Variants in EIF4G1 observed in about 807,000 individuals in gnomAD.
EIF4G1 encodes the protein EIF4-gamma.
EIF4G1 carries 4 observed loss-of-function variants against 187.8 expected under a neutral mutation model. That is an observed-to-expected ratio of 0.02 (90% CI 0.01 to 0.05). The LOEUF is 0.05. EIF4G1 is among the 10% of genes least tolerant of loss of function. The pLI, the probability that EIF4G1 is intolerant of heterozygous loss-of-function variation, is 1.00. For missense variants in EIF4G1, 1,647 were observed against 2,081.1 expected (o/e 0.79, Z 4.06); for synonymous variants, 844 against 781.4 (o/e 1.08, Z -1.34).
intron 8 of EIF4G1, 89 bp downstream of exon 8, chr3:184,320,811 G>A (rs895128986): frequency 1.2e-6 from 2 of 1,607,878 alleles, no homozygotes; most frequent in Admixed American, 1.7e-5. Context: ...TTCAACTAAG[G>A]GATTTATTTC....
rs563494624 is a variant in EIF4G1, at chr3:184,335,229, C to T, written c.*321C>T. On this transcript the variant is annotated 3_prime_UTR_variant, in exon 33 of 33. Coordinates refer to ENST00000346169, the MANE Select transcript of EIF4G1 (RefSeq NM_198241.3). ...CCTTTTTTTTATTTTCTGAAAATCA[C>T]TCTCGGGACTGCCGTCCTCGCTGCT... The T allele has an allele frequency of 1.1e-4, 39 of 346,354 alleles. No homozygotes were observed. The highest frequency in any genetic ancestry group is 9.0e-4 in the Middle Eastern group (1 of 1,112). 21.5% of individuals were successfully genotyped at this position (346,354 alleles called of 1,614,324 possible).
chr3:184,317,526 C>T, intron 5 of EIF4G1, 29 bp downstream of exon 5: 3 of 1,613,302 alleles, frequency 1.9e-6, no homozygotes, highest in Non-Finnish European at 2.5e-6. Context: ...AGCCTAGAAG[C>T]CACAGACCCC....
At chr3:184,326,331 G>A (rs1445105767) in intron 21 of EIF4G1, among the ~76,000 whole-genome samples, 196 bp from the exon 22 acceptor site, 4 of 152,204 alleles carry the variant, frequency 2.6e-5, no homozygotes, top group African/African-American at 9.7e-5. Context: ...GTCACAGCAT[G>A]CCTTTATCAT....
At chr3:184,319,455 G>GTGTGTGTGTGTT (rs55650152) in intron 6 of EIF4G1, among the ~76,000 whole-genome samples, 1 of 69,968 alleles carries the variant, frequency 1.4e-5, no homozygotes, top group Non-Finnish European at 2.8e-5. Context: ...GTGTGTGTGT[G>GTGTGTGTGTGTT]TGTGTGTGTG....
intron 28 of EIF4G1, among the ~76,000 whole-genome samples, chr3:184,330,143 G>A (rs532704759): frequency 6.6e-6 from 1 of 152,154 alleles, no homozygotes; most frequent in Non-Finnish European, 1.5e-5. Flanking sequence ...TTGGGAGGCA[G>A]AGGTGGGTGG....
chr3:184,332,142 G>C, intron 32 of EIF4G1, 56 bp downstream of exon 32: 2 of 1,612,686 alleles, frequency 1.2e-6, no homozygotes, highest in Non-Finnish European at 1.7e-6. Context: ...AGATAGCAGG[G>C]CATGAGACCC....
Position 184,322,625 on chromosome 3 carries a change from C to G in EIF4G1, c.1690C>G (p.Pro564Ala), listed in dbSNP as rs762917023. The G allele has an allele frequency of 3.7e-6, 6 of 1,614,160 alleles. No individual in the cohort carries two copies. In the East Asian group the frequency reaches 1.3e-4, roughly 36 times the overall value. The change falls in exon 12 of 33, where the codon CCC (proline) becomes GCC (alanine). Residue 564 changes from proline (P) to alanine (A), a missense_variant. Physicochemically the swap from Pro to Ala is conservative, Grantham distance 27. Transcript: ENST00000346169. The part of the protein sequence containing the change: ...PGPESEGSGV[P>A]PRPEEADETW... ...CCCAGAGTCTGAGGGCAGTGGTGTG[C>G]CCCCACGTCCTGAGGAAGCAGATGA...
In EIF4G1 at chr3:184,321,968, G is replaced by C; in HGVS notation, c.1384G>C (p.Glu462Gln). 1.2e-6 allele frequency: 2 copies of C among 1,613,826 alleles called. No individual in the cohort carries two copies. Among genetic ancestry groups the C allele is most frequent in the Non-Finnish European group, 1.7e-6 (2 of 1,179,926 alleles). ...GGAGGAGGAAATGGAAGAAGAAGAA[G>C]AAGAGGAAGAAGGAGAAGCAGGAGA... Reference protein sequence around the residue: ...AQEEEMEEEEEEEEGEAGEAG... With the variant: ...AQEEEMEEEEQEEEGEAGEAG... Residue 462 changes from glutamate (E) to glutamine (Q), a missense_variant, in exon 10 of 33, where the codon GAA becomes CAA. Glu to Gln is a conservative substitution (Grantham distance 29, BLOSUM62 2). Around this residue, in one of 11 missense-constraint regions of EIF4G1, gnomAD observed 522 missense variants for 485.2 expected, o/e 1.08. Coordinates refer to ENST00000346169, the MANE Select transcript of EIF4G1 (RefSeq NM_198241.3).
chr3:184,325,367 G>T lies in EIF4G1; in HGVS notation c.2955G>T (p.Leu985=), dbSNP rs377348982. Residue 985 remains leucine (L), a synonymous_variant, in exon 19 of 33, where the codon CTG becomes CTT. Transcript: ENST00000346169. This position sits in a 1 kb window ranked among gnomAD's most constrained non-coding sequence, Gnocchi z 5.2. ...TTATGCTGCAGGACGTGCTGGATCT[G>T]CGAGGGGTGTGTGTCCCCCTCCTCC... ...IRFMLQDVLD[L]RGSNWVPRRG... 1.5e-5 allele frequency: 25 copies of T among 1,614,132 alleles called. No individual in the cohort carries two copies. The African/African-American group carries it at 2.5e-4, about 16-fold the overall frequency.
Position 184,320,613 on chromosome 3 carries a change from T to C in EIF4G1, c.538-17T>C, listed in dbSNP as rs776588357. On this transcript the variant is annotated splice_polypyrimidine_tract_variant and intron_variant, in intron 7 of 32. Coordinates refer to ENST00000346169, the MANE Select transcript of EIF4G1 (RefSeq NM_198241.3). ...CTCTTCCTGCTTCCCACTCATCTTA[T>C]AGCTTTCTTTCCCCAGATCCGAATT... 65 of 1,613,926 alleles carry C rather than the reference T, an allele frequency of 4.0e-5. No homozygotes were observed. In the Admixed American group the frequency reaches 4.3e-4, roughly 11 times the overall value.
chr3:184,320,185 C>G, intron 7 of EIF4G1: 1 of 1,053,994 alleles, frequency 9.5e-7, no homozygotes, highest in Non-Finnish European at 1.2e-6. Flanking sequence ...GTCCTCAAGC[C>G]CTGGGCGTGG....
At position 184,322,681 on chromosome 3, in the gene EIF4G1, C is replaced by T. The variant is rs1724122440; in HGVS notation, c.1746C>T (p.His582=). Residue 582 remains histidine (H), a synonymous_variant, in exon 12 of 33, where the codon CAC becomes CAT. Transcript: ENST00000346169. ...GGGACTCAAAGGAAGACAAAATTCA[C>T]AATGCTGAGAACATCCAGCCCGGGG... The part of the protein sequence containing the change: ...ETWDSKEDKI[H]NAENIQPGEQ... 1.9e-6 allele frequency: 3 copies of T among 1,614,082 alleles called. No individual in the cohort carries two copies. The highest frequency in any genetic ancestry group is 3.3e-5 in the Admixed American group (2 of 59,992).
chr3:184,327,510 C>T lies in EIF4G1; in HGVS notation c.3661+62C>T, dbSNP rs1244719272. ...GGCTGCCTTGGGACTAGCTGGTCCC[C>T]AGCTTTTTGAGAGCTCCAAATCTTG... On this transcript the variant is annotated intron_variant, in intron 24 of 32. Coordinates refer to ENST00000346169, the MANE Select transcript of EIF4G1 (RefSeq NM_198241.3). 6 of 1,612,044 alleles carry T rather than the reference C, an allele frequency of 3.7e-6. No individual in the cohort carries two copies. In the African/African-American group the frequency reaches 4.0e-5, roughly 11 times the overall value.
intron 2 of EIF4G1, 61 bp from the exon 3 acceptor site, chr3:184,315,702 C>T (rs967301417): frequency 1.5e-4 from 194 of 1,290,068 alleles, no homozygotes; most frequent in Middle Eastern, 3.6e-4. Flanking sequence ...ACCCTTTCAC[C>T]GCCCCATTTG....
chr3:184,322,284 T>C, intron 10 of EIF4G1, 78 bp from the exon 11 acceptor site: 2 of 1,544,610 alleles, frequency 1.3e-6, no homozygotes, highest in Non-Finnish European at 1.8e-6. Flanking sequence ...TTTGGCTGCT[T>C]TCTATTTCCC....
Position 184,321,004 on chromosome 3 carries a change from C to G in EIF4G1, c.697+11C>G, listed in dbSNP as rs200514504. 3 of 1,613,232 alleles carry G rather than the reference C, an allele frequency of 1.9e-6. No individual in the cohort carries two copies. Among genetic ancestry groups the G allele is most frequent in the Non-Finnish European group, 2.5e-6 (3 of 1,179,842 alleles). On this transcript the variant is annotated intron_variant, in intron 9 of 32. Transcript: ENST00000346169. The stretch of plus-strand genomic sequence containing the variant: ...TCATTGTCCGGCCAGGTAAGTAAGC[C>G]GGTGGGACGGAGCTTTTATGGGGAA...
chr3:184,323,414 C>G lies in EIF4G1; in HGVS notation c.2095C>G (p.Leu699Val). ...TTCATCCCTTGCTTAGCAGGCTGGCCTGGGACCCCGGCGCTCTCAGCAGGG... is the reference window on the plus strand; with the variant it reads ...TTCATCCCTTGCTTAGCAGGCTGGCGTGGGACCCCGGCGCTCTCAGCAGGG... ...GGELPRGPAGLGPRRSQQGPR... is the reference protein window; with the variant it reads ...GGELPRGPAGVGPRRSQQGPR... The change falls in exon 15 of 33, where the codon CTG becomes GTG. Residue 699 changes from leucine to valine, a missense_variant. Transcript: ENST00000346169. This position sits in a 1 kb window ranked among gnomAD's most constrained non-coding sequence, Gnocchi z 6.9. 6.2e-7 allele frequency: 1 copy of G among 1,614,234 alleles called. No individual in the cohort carries two copies. The highest frequency in any genetic ancestry group is 8.5e-7 in the Non-Finnish European group (1 of 1,180,042).
At chr3:184,331,045 G>A (rs565806554) in intron 28 of EIF4G1, among the ~76,000 whole-genome samples, 1 of 152,166 alleles carries the variant, frequency 6.6e-6, no homozygotes, top group East Asian at 1.9e-4. Context: ...CTCCTGGGAC[G>A]AGTTCTTATT....
In EIF4G1 at chr3:184,334,054, G is replaced by A. The variant is rs896414940; in HGVS notation, c.4619-673G>A. The stretch of plus-strand genomic sequence containing the variant: ...GCTTAGAAGTGTAAGGTTTGGTTTG[G>A]AAAGACTGGTGGTGCCTTGTGGGCA... On this transcript the variant is annotated intron_variant, in intron 32 of 32. Transcript: ENST00000346169. This position sits in a 1 kb window ranked among gnomAD's most constrained non-coding sequence, Gnocchi z 5.8. Among the ~76,000 whole-genome samples the A allele has an allele frequency of 6.6e-6, 1 of 152,198 alleles. No homozygotes were observed. Among genetic ancestry groups the A allele is most frequent in the Admixed American group, 6.5e-5 (1 of 15,280 alleles).
Sources: allele counts gnomAD v4.1 joint callset (sites outside exome capture counted in the v4.1 genomes callset), GRCh38; gene constraint gnomAD v4.1.1; regional missense constraint gnomAD v4.1.1; non-coding constraint Gnocchi (gnomAD v3.1); transcripts MANE v1.5; gene names NCBI Gene and HGNC (gene_info 2026-07-23, HGNC 2026-07-21).